KIAA1217: variants seen among roughly 807,000 people sequenced by gnomAD.
KIAA1217 encodes KIAA1217.
A neutral mutation model predicts 163.9 loss-of-function variants in KIAA1217; 88 were observed. That is an observed-to-expected ratio of 0.54 (90% CI 0.45 to 0.64). The LOEUF (loss-of-function observed/expected upper bound fraction) is 0.64, where lower values mean the gene tolerates loss of function less well. Ranked by LOEUF, KIAA1217 falls within the 30% of genes least tolerant of loss-of-function variation. The pLI is 0.00. For missense variants in KIAA1217, 2,372 were observed against 2,475.0 expected, an observed-to-expected ratio of 0.96 and a Z score of 0.88; for synonymous variants, 903 against 923.1, an observed-to-expected ratio of 0.98 and a Z score of 0.39.
At chr10:23,796,878 G>A (rs970349785) in intron 1 of KIAA1217, among the ~76,000 whole-genome samples, 23 of 151,558 alleles carry the variant, frequency 1.5e-4, no homozygotes, top group African/African-American at 5.3e-4. Flanking sequence ...TTGGAGACAA[G>A]GTCTCACTTT....
intron 1 of KIAA1217, among the ~76,000 whole-genome samples, chr10:23,923,606 G>T (rs1313782236): frequency 6.6e-6 from 1 of 151,070 alleles, no homozygotes; most frequent in African/African-American, 2.5e-5. Flanking sequence ...GGAGAGATGT[G>T]TCGGAAGAAG....
At chr10:24,345,529 T>A (rs780411921) in intron 2 of KIAA1217, among the ~76,000 whole-genome samples, 16 of 152,210 alleles carry the variant, frequency 1.1e-4, no homozygotes, top group Non-Finnish European at 1.5e-4. Flanking sequence ...GAACCTAAGA[T>A]CTTCAGTCCG....
intron 2 of KIAA1217, among the ~76,000 whole-genome samples, chr10:24,308,987 G>A (rs1452722463): frequency 6.6e-6 from 1 of 151,936 alleles, no homozygotes; most frequent in African/African-American, 2.4e-5. Flanking sequence ...GCTAGGCATG[G>A]TGGCTAATGC....
rs189793607 is a variant in KIAA1217 at position 24,072,437 on chromosome 10, G to A, written c.-171+65063G>A. 3.4e-3 allele frequency among the ~76,000 whole-genome samples: 511 copies of A among 152,220 alleles called. 2 individuals carry two copies. The highest frequency in any genetic ancestry group is 0.012 in the African/African-American group (491 of 41,542). On this transcript the variant is annotated intron_variant, in intron 2 of 18. Coordinates refer to the KIAA1217 transcript ENST00000376462. ...GATTGGTCAAAAAATTAGAGAAGAA[G>A]AAATAAATAAGTTTGTCCTGCATGT...
At chr10:23,975,896 T>C (rs1009298235) in intron 1 of KIAA1217, among the ~76,000 whole-genome samples, 1 of 152,168 alleles carries the variant, frequency 6.6e-6, no homozygotes, top group African/African-American at 2.4e-5. Context: ...CCAATTCTCT[T>C]TTTGATCCAT....
chr10:24,281,294 T>C (rs938111879), intron 2 of KIAA1217, among the ~76,000 whole-genome samples: 7 of 152,250 alleles, frequency 4.6e-5, no homozygotes, highest in African/African-American at 1.7e-4. Context: ...CTATGTGTGA[T>C]GTAAGTAATC....
intron 1 of KIAA1217, among the ~76,000 whole-genome samples, chr10:23,898,528 A>T (rs1841807840): frequency 6.6e-6 from 1 of 152,014 alleles, no homozygotes; most frequent in Non-Finnish European, 1.5e-5. Context: ...GAGACTTTTA[A>T]AAAATGTCAT....
chr10:24,003,676 T>G (rs1047002829), intron 1 of KIAA1217, among the ~76,000 whole-genome samples: 9 of 152,192 alleles, frequency 5.9e-5, no homozygotes, highest in Admixed American at 2.0e-4. Context: ...ACAACTGCTT[T>G]TCTCACAAAT....
chr10:24,539,494 G>T (rs540535935), intron 17 of KIAA1217, among the ~76,000 whole-genome samples: 1 of 152,070 alleles, frequency 6.6e-6, no homozygotes, highest in South Asian at 2.1e-4. Flanking sequence ...GACTCCCAAA[G>T]TGCTGGGATT....
chr10:24,393,375 A>T (rs1026026594), intron 3 of KIAA1217, among the ~76,000 whole-genome samples: 1 of 152,194 alleles, frequency 6.6e-6, no homozygotes, highest in African/African-American at 2.4e-5. Flanking sequence ...GAAACTAAGC[A>T]GGCCCCTGTC....
At chr10:23,741,511 A>G (rs1057077670) in intron 1 of KIAA1217, among the ~76,000 whole-genome samples, 1 of 152,240 alleles carries the variant, frequency 6.6e-6, no homozygotes, top group Non-Finnish European at 1.5e-5. Flanking sequence ...CAAGTAGTTC[A>G]TTGAACAAAG....
In KIAA1217 at chr10:24,297,292, A is replaced by G. The variant is rs1248691087; in HGVS notation, c.354+77383A>G. Among the ~76,000 whole-genome samples, 6 of 152,198 alleles carry G rather than the reference A, an allele frequency of 3.9e-5. No individual in the cohort carries two copies. In the East Asian group the frequency reaches 1.2e-3, roughly 29 times the overall value. ...AGATCCACTGACTACATTTGTGTTT[A>G]ATAATTGCATGCTTAGTGGTCTGTT... is the stretch of plus-strand genomic sequence containing the variant. On this transcript the variant is annotated intron_variant, in intron 2 of 20. Transcript: ENST00000376454.
chr10:24,265,882 A>G (rs1307589609), intron 2 of KIAA1217, among the ~76,000 whole-genome samples: 1 of 152,134 alleles, frequency 6.6e-6, no homozygotes, highest in Non-Finnish European at 1.5e-5. Context: ...TAGAGGTGGG[A>G]TGAGGAGTCA....
At chr10:24,354,909 G>A (rs1591257919) in intron 2 of KIAA1217, among the ~76,000 whole-genome samples, 1 of 152,164 alleles carries the variant, frequency 6.6e-6, no homozygotes, top group Non-Finnish European at 1.5e-5. Flanking sequence ...CTTGAGGGTG[G>A]GGCTTTTGCC....
chr10:23,879,263 T>C (rs1011201979), intron 1 of KIAA1217, among the ~76,000 whole-genome samples: 1 of 151,934 alleles, frequency 6.6e-6, no homozygotes, highest in Non-Finnish European at 1.5e-5. Flanking sequence ...GATTCTTATC[T>C]CCATTTTAAC....
At chr10:24,251,975 G>T (rs2074601052) in intron 2 of KIAA1217, among the ~76,000 whole-genome samples, 1 of 151,584 alleles carries the variant, frequency 6.6e-6, no homozygotes, top group African/African-American at 2.4e-5. Context: ...GCATATAGTA[G>T]ATGTTCAGGA....
Position 24,072,508 on chromosome 10 carries a change from T to C in KIAA1217, c.-171+65134T>C, listed in dbSNP as rs181734837. 1.4e-4 allele frequency among the ~76,000 whole-genome samples: 22 copies of C among 152,294 alleles called. No homozygotes were observed. The East Asian group carries it at 4.2e-3, about 29-fold the overall frequency. On this transcript the variant is annotated intron_variant, in intron 2 of 18. Transcript: ENST00000376462. Reference sequence around the variant, plus strand: ...AATAAGCATGATTATTTTCAGGCTATTGTTTAGATGTTTATACCCAGGTTC... The same window carrying C: ...AATAAGCATGATTATTTTCAGGCTACTGTTTAGATGTTTATACCCAGGTTC...
rs942563368 is a variant in KIAA1217 at position 24,209,151 on chromosome 10, G to T, written c.-43G>T. On this transcript the variant is annotated 5_prime_UTR_variant, in exon 1 of 21. Coordinates refer to ENST00000376454, the MANE Select transcript of KIAA1217 (RefSeq NM_019590.5). ...CTGGGAGCTTTTAGAACTGCGCTCT[G>T]AAGTTTCCAGAGAGCGAGGAGCTTT... 6.3e-7 allele frequency: 1 copy of T among 1,591,482 alleles called. No homozygotes were observed. The highest frequency in any genetic ancestry group is 8.6e-7 in the Non-Finnish European group (1 of 1,159,986).
At chr10:24,083,701 T>C (rs1026162925) in intron 2 of KIAA1217, among the ~76,000 whole-genome samples, 1 of 152,218 alleles carries the variant, frequency 6.6e-6, no homozygotes, top group East Asian at 1.9e-4. Context: ...GGTGAAGGCA[T>C]TGAGTGAAAT....
Sources: allele counts gnomAD v4.1 joint callset (sites outside exome capture counted in the v4.1 genomes callset), GRCh38; gene constraint gnomAD v4.1.1; transcripts MANE v1.5; gene names NCBI Gene and HGNC (gene_info 2026-07-23, HGNC 2026-07-21).